RECQL5: variants seen among roughly 807,000 people sequenced by gnomAD.
The protein encoded by RECQL5 is RecQ like helicase 5.
In RECQL5, 88 loss-of-function variants were observed where a neutral mutation model predicts 103.4. The observed-to-expected ratio is 0.85, with a 90% CI of 0.72 to 1.02. RECQL5 has a LOEUF of 1.02. Ranked by LOEUF, RECQL5 falls within the 50% of genes least tolerant of loss-of-function variation. The pLI is 0.00. For missense variants in RECQL5, 1,232 were observed against 1,284.3 expected (o/e 0.96, Z 0.62); for synonymous variants, 552 against 507.9 (o/e 1.09, Z -1.17).
chr17:75,650,963 C>T, intron 8 of RECQL5: 1 of 1,470,894 alleles, frequency 6.8e-7, no homozygotes, highest in East Asian at 2.4e-5. Context: ...GGAAGGACAC[C>T]ACTCAGAATA....
chr17:75,644,187 C>T (rs545461805), intron 8 of RECQL5, among the ~76,000 whole-genome samples: 130 of 152,312 alleles, frequency 8.5e-4, no homozygotes, highest in Admixed American at 3.4e-3. Flanking sequence ...CGCCTGTAGT[C>T]CCAGCTACTC....
chr17:75,666,757 A>C, intron 1 of RECQL5, 186 bp from the exon 2 acceptor site: 1 of 588,880 alleles, frequency 1.7e-6, no homozygotes, highest in Non-Finnish European at 3.0e-6. Context: ...TAACATCTCC[A>C]CTTTTACGCT....
chr17:75,652,408 A>C (rs2059566639), intron 7 of RECQL5: 1 of 152,212 alleles, frequency 6.6e-6, no homozygotes, highest in South Asian at 2.1e-4. Flanking sequence ...GAGGACCCCA[A>C]AGGTTTCCTG....
At chr17:75,632,476 G>A (rs891039014) in intron 8 of RECQL5, among the ~76,000 whole-genome samples, 9 of 152,262 alleles carry the variant, frequency 5.9e-5, no homozygotes, top group African/African-American at 2.4e-5. Flanking sequence ...AGGCAGGCAC[G>A]GCTGTGTAGT....
rs1472022391 is a variant in RECQL5, at chr17:75,631,503, G to T, written c.1395C>A (p.Gly465=). 1.2e-6 allele frequency: 2 copies of T among 1,613,180 alleles called. No homozygotes were observed. Among genetic ancestry groups the T allele is most frequent in the African/African-American group, 2.7e-5 (2 of 74,952 alleles). ...CTCCCTCATACAGCTCGGGGTCAAAGCCGTTCCCCTGGGAGGGCCCGATGC... is the reference window on the plus strand; with the variant it reads ...CTCCCTCATACAGCTCGGGGTCAAATCCGTTCCCCTGGGAGGGCCCGATGC... ...KTCIGPSQGN[G]FDPELYEGGR... Residue 465 remains glycine (G), a synonymous_variant, in exon 9 of 20, where the codon GGC becomes GGA. Transcript: ENST00000317905.
chr17:75,658,694 G>T (rs1331086015), intron 6 of RECQL5, among the ~76,000 whole-genome samples: 1 of 152,056 alleles, frequency 6.6e-6, no homozygotes, highest in African/African-American at 2.4e-5. Flanking sequence ...CACATATGAG[G>T]GGCCAAAAAA....
chr17:75,628,393 G>C lies in RECQL5; in HGVS notation c.2630C>G (p.Pro877Arg). ...GCCCTTGACCTCAGCTACGACGGAGGGCTTGGCTGAGGGGCGTGGCCTCTT... is the reference window on the plus strand; with the variant it reads ...GCCCTTGACCTCAGCTACGACGGAGCGCTTGGCTGAGGGGCGTGGCCTCTT... ...PQKRPRPSAK[P>R]SVVAEVKGSV... The change falls in exon 18 of 20, where the codon CCC (proline) becomes CGC (arginine). Residue 877 changes from proline to arginine, a missense_variant. Transcript: ENST00000317905. The C allele has an allele frequency of 6.2e-7, 1 of 1,613,962 alleles. No homozygotes were observed. Among genetic ancestry groups the C allele is most frequent in the African/African-American group, 1.3e-5 (1 of 75,044 alleles).
At chr17:75,647,860 G>A (rs1158452032) in intron 8 of RECQL5, 1 of 317,342 alleles carries the variant, frequency 3.2e-6, no homozygotes, top group African/African-American at 2.2e-5. Context: ...TCAGGTGGAA[G>A]GAGCTATGGC....
At chr17:75,633,203 T>G (rs1468452281) in intron 8 of RECQL5, among the ~76,000 whole-genome samples, 1 of 152,216 alleles carries the variant, frequency 6.6e-6, no homozygotes, top group African/African-American at 2.4e-5. Context: ...TCTGGGAGGC[T>G]CTGGCATCCG....
rs756694533 is a variant in RECQL5 at position 75,631,229 on chromosome 17, C to T, written c.1469G>A (p.Gly490Asp). 2.7e-5 allele frequency: 43 copies of T among 1,613,800 alleles called. No homozygotes were observed. Among genetic ancestry groups the T allele is most frequent in the Non-Finnish European group, 2.9e-5 (34 of 1,180,034 alleles). ...DFSRYDEGSG[G>D]SGDEGRDEAH... ...CTCATCTCTGCCTTCATCCCCGCTG[C>T]CTCCAGAACCTTCGTCATACCTAGG... Residue 490 changes from glycine to aspartate, a missense_variant, in exon 10 of 20, where the codon GGC becomes GAC. By Grantham distance (94) the Gly-to-Asp change is moderately conservative. Coordinates refer to ENST00000317905, the MANE Select transcript of RECQL5 (RefSeq NM_004259.7).
At chr17:75,652,363 G>C (rs1256880744) in intron 7 of RECQL5, 1 of 152,342 alleles carries the variant, frequency 6.6e-6, no homozygotes, top group Non-Finnish European at 1.5e-5. Flanking sequence ...CAAGGGGCCA[G>C]TGTGCACCAC....
chr17:75,645,422 C>T (rs1241918135), intron 8 of RECQL5, among the ~76,000 whole-genome samples: 1 of 152,220 alleles, frequency 6.6e-6, no homozygotes, highest in African/African-American at 2.4e-5. Context: ...GTTATTTAAC[C>T]TCTCTGTGCC....
Position 75,662,691 on chromosome 17 carries a change from G to A in RECQL5, c.559C>T (p.Pro187Ser). The A allele has an allele frequency of 6.2e-7, 1 of 1,614,094 alleles. No homozygotes were observed. The highest frequency in any genetic ancestry group is 8.5e-7 in the Non-Finnish European group (1 of 1,180,038). Residue 187 changes from proline (P) to serine (S), a missense_variant, in exon 4 of 20, where the codon CCT becomes TCT. Pro to Ser is a moderately conservative substitution (Grantham distance 74, BLOSUM62 -1). Transcript: ENST00000317905. The stretch of plus-strand genomic sequence containing the variant: ...GCTGTGGCGGTCAGAGCCACACAAG[G>A]GGCATGTCCCAGGCGGGAGCGCAGG... ...GALRSRLGHA[P>S]CVALTATATP...
intron 7 of RECQL5, among the ~76,000 whole-genome samples, chr17:75,657,361 A>C (rs1599049226): frequency 6.6e-6 from 1 of 152,148 alleles, no homozygotes; most frequent in Non-Finnish European, 1.5e-5. Context: ...TCACCACTGC[A>C]CTTGAGCCTG....
At chr17:75,633,918 AGCAGC>A in intron 8 of RECQL5, 1 of 987,404 alleles carries the variant, frequency 1.0e-6, no homozygotes, top group Non-Finnish European at 1.2e-6. Flanking sequence ...CTTGTCCCTG[AGCAGC>A]GCTCTCAGGG....
intron 8 of RECQL5, 46 bp from the exon 9 acceptor site, chr17:75,631,714 G>A (rs769879279): frequency 9.0e-5 from 142 of 1,585,174 alleles, no homozygotes; most frequent in Non-Finnish European, 1.1e-4. Flanking sequence ...GAGCCCAGTC[G>A]GCCAGCGTCT....
At chr17:75,645,005 A>C (rs1021657568) in intron 8 of RECQL5, among the ~76,000 whole-genome samples, 1 of 152,136 alleles carries the variant, frequency 6.6e-6, no homozygotes, top group South Asian at 2.1e-4. Flanking sequence ...CTTTTCTCTG[A>C]GTGTGGGCTT....
At position 75,650,298 on chromosome 17, in the gene RECQL5, C is replaced by T. The variant is rs867728366; in HGVS notation, c.1229+888G>A. 1.3e-5 allele frequency: 13 copies of T among 1,028,390 alleles called. No homozygotes were observed. In the South Asian group the frequency reaches 5.0e-4, roughly 39 times the overall value. The allele number at this position is 1,028,390 out of a possible 1,614,324, so 63.7% of individuals were successfully genotyped here. A position where few individuals can be genotyped will look rare whatever the true frequency, so the allele number is the denominator to read the frequency against. The stretch of plus-strand genomic sequence containing the variant: ...GTTTGGAGAAGAAAATAGCTTCAGT[C>T]CAGAAGCCACCGACTCACTGGTCAA... On this transcript the variant is annotated intron_variant, in intron 8 of 19. Coordinates refer to ENST00000317905, the MANE Select transcript of RECQL5 (RefSeq NM_004259.7).
At chr17:75,655,872 G>A (rs1402677429) in intron 7 of RECQL5, among the ~76,000 whole-genome samples, 1 of 151,168 alleles carries the variant, frequency 6.6e-6, no homozygotes. Flanking sequence ...TGTTAGAGAC[G>A]GGCTTCACTA....
Sources: allele counts gnomAD v4.1 joint callset (sites outside exome capture counted in the v4.1 genomes callset), GRCh38; gene constraint gnomAD v4.1.1; transcripts MANE v1.5; gene names NCBI Gene and HGNC (gene_info 2026-07-23, HGNC 2026-07-21).